Variants in SEMA7A observed in about 807,000 individuals in gnomAD.
SEMA7A encodes the protein semaphorin 7A (JohnMiltonHagen blood group).
Under a neutral mutation model 67.5 loss-of-function variants are expected in SEMA7A, and 21 were observed. The ratio of observed to expected loss-of-function variants is 0.31; its 90% CI spans 0.22 to 0.45. The LOEUF (loss-of-function observed/expected upper bound fraction) is 0.45, where lower values mean the gene tolerates loss of function less well. SEMA7A is among the 20% of genes least tolerant of loss of function. The pLI is 1.00. For missense variants in SEMA7A, 774 were observed against 908.6 expected, an observed-to-expected ratio of 0.85 and a Z score of 1.90; for synonymous variants, 364 against 368.5, an observed-to-expected ratio of 0.99 and a Z score of 0.14.
chr15:74,417,322 G>A lies in SEMA7A; in HGVS notation c.661+13C>T. The A allele has an allele frequency of 1.9e-6, 3 of 1,608,246 alleles. No individual in the cohort carries two copies. Among genetic ancestry groups the A allele is most frequent in the Non-Finnish European group, 2.6e-6 (3 of 1,175,132 alleles). ...CCCTTGCCCACCCTCAGCCCAGCCGGAGCCTGACTCACTCTGCATGACAGT... is the reference window on the plus strand; with the variant it reads ...CCCTTGCCCACCCTCAGCCCAGCCGAAGCCTGACTCACTCTGCATGACAGT... On this transcript the variant is annotated intron_variant, in intron 6 of 13. Transcript: ENST00000261918.
At chr15:74,412,387 A>G (rs566922493) in intron 10 of SEMA7A, among the ~76,000 whole-genome samples, 101 of 152,238 alleles carry the variant, frequency 6.6e-4, no homozygotes, top group African/African-American at 2.2e-3. Flanking sequence ...TCCCCACTCC[A>G]CAGATAAGGA....
intron 1 of SEMA7A, among the ~76,000 whole-genome samples, chr15:74,422,262 G>A (rs998161716): frequency 3.3e-5 from 5 of 151,956 alleles, no homozygotes; most frequent in African/African-American, 1.2e-4. Context: ...CCACCTCCTG[G>A]CTCCCCCTGC....
chr15:74,426,711 G>A (rs1420877653), intron 1 of SEMA7A, among the ~76,000 whole-genome samples: 2 of 152,148 alleles, frequency 1.3e-5, no homozygotes, highest in African/African-American at 4.8e-5. Context: ...AGGAGTTAGA[G>A]GCTGCAGAGA....
rs959236075 is a variant in SEMA7A at position 74,411,078 on chromosome 15, G to C, written c.1640-93C>G. On this transcript the variant is annotated intron_variant, in intron 13 of 13. Coordinates refer to ENST00000261918, the MANE Select transcript of SEMA7A (RefSeq NM_003612.5). The surrounding 1 kb of genome is among the most constrained non-coding windows in gnomAD (Gnocchi z 4.4). ...CCACGGACTGGGATCCCAGGACAAG[G>C]CTTCTGAATGAACGTGGGGAACCCA... 1.4e-5 allele frequency: 21 copies of C among 1,514,502 alleles called. No homozygotes were observed. Among genetic ancestry groups the C allele is most frequent in the Non-Finnish European group, 1.7e-5 (19 of 1,131,786 alleles). The allele number at this position is 1,514,502 out of a possible 1,614,324, so 93.8% of individuals were successfully genotyped here.
Position 74,417,454 on chromosome 15 carries a change from A to T in SEMA7A, c.551-9T>A. ...GGAATACACCTCGTCCCCTGGGGTC[A>T]GTGGGAGGGAGAAATGAGTAAGGGC... On this transcript the variant is annotated splice_polypyrimidine_tract_variant and intron_variant, in intron 5 of 13. Transcript: ENST00000261918. 1.2e-6 allele frequency: 2 copies of T among 1,610,446 alleles called. No individual in the cohort carries two copies. Among genetic ancestry groups the T allele is most frequent in the Non-Finnish European group, 8.5e-7 (1 of 1,176,900 alleles).
Position 74,417,938 on chromosome 15 carries a change from C to T in SEMA7A, c.404G>A (p.Arg135Lys). 1 of 1,613,334 alleles carries T rather than the reference C, an allele frequency of 6.2e-7. No homozygotes were observed. The highest frequency in any genetic ancestry group is 2.2e-5 in the East Asian group (1 of 44,886). Reference sequence around the variant, plus strand: ...ACAGGCCAGCAGCCCCTCACTCCGCCTCTCCAGGAGAGTGATGTAGTTCTC... The same window carrying T: ...ACAGGCCAGCAGCCCCTCACTCCGCTTCTCCAGGAGAGTGATGTAGTTCTC... Reference protein sequence around the residue: ...DCENYITLLERRSEGLLACGT... With the variant: ...DCENYITLLEKRSEGLLACGT... Residue 135 changes from arginine to lysine, a missense_variant, in exon 4 of 14, where the codon AGG (arginine) becomes AAG (lysine). Transcript: ENST00000261918.
At chr15:74,430,437 G>A (rs886703725) in intron 1 of SEMA7A, among the ~76,000 whole-genome samples, 1 of 152,180 alleles carries the variant, frequency 6.6e-6, no homozygotes. Flanking sequence ...TGGGGAAACT[G>A]GGGTTCAGTA....
chr15:74,410,444 A>C lies in SEMA7A; in HGVS notation c.*180T>G, dbSNP rs1596184401. The C allele has an allele frequency of 2.3e-6, 2 of 873,048 alleles. No individual in the cohort carries two copies. The allele number at this position is 873,048 out of a possible 1,614,324, so 54.1% of individuals were successfully genotyped here. ...CTCAGCCCCTCACCATCCGTGCGCC[A>C]CCTGGGGCCCAGCAGCCGCCTGCGG... is the stretch of plus-strand genomic sequence containing the variant. On this transcript the variant is annotated 3_prime_UTR_variant, in exon 14 of 14. Transcript: ENST00000261918. This position sits in a 1 kb window ranked among gnomAD's most constrained non-coding sequence, Gnocchi z 7.5.
In SEMA7A at chr15:74,411,999, G is replaced by C. The variant is rs1301417092; in HGVS notation, c.1308C>G (p.Ile436Met). Residue 436 changes from isoleucine (I) to methionine (M), a missense_variant, in exon 11 of 14, where the codon ATC becomes ATG. Coordinates refer to ENST00000261918, the MANE Select transcript of SEMA7A (RefSeq NM_003612.5). This position sits in a 1 kb window ranked among gnomAD's most constrained non-coding sequence, Gnocchi z 4.4. ...GCTCCCCCGGTTCCACCACCTTGTG[G>C]ATAGTGCCCCTGTCTGTGTATGGTG... ...VLYLTTDRGT[I>M]HKVVEPGEQE... The C allele has an allele frequency of 3.1e-6, 5 of 1,613,734 alleles. No homozygotes were observed. In the African/African-American group the frequency reaches 6.7e-5, roughly 22 times the overall value.
At position 74,417,679 on chromosome 15, in the gene SEMA7A, T is replaced by G; in HGVS notation, c.466-4A>C. 6.2e-7 allele frequency: 1 copy of G among 1,609,708 alleles called. No homozygotes were observed. Among genetic ancestry groups the G allele is most frequent in the Non-Finnish European group, 8.5e-7 (1 of 1,178,700 alleles). ...GTGGCACCACAGTGCCATTCACCTGTGGGAGATCCAGAGGGTTGGATGGCC... is the reference window on the plus strand; with the variant it reads ...GTGGCACCACAGTGCCATTCACCTGGGGGAGATCCAGAGGGTTGGATGGCC... On this transcript the variant is annotated splice_region_variant and splice_polypyrimidine_tract_variant and intron_variant, in intron 4 of 13. Transcript: ENST00000261918.
At position 74,433,942 on chromosome 15, in the gene SEMA7A, G is replaced by A. The variant is rs532455015; in HGVS notation, c.-24C>T. The A allele has an allele frequency of 1.4e-4, 178 of 1,242,786 alleles. No homozygotes were observed. Among genetic ancestry groups the A allele is most frequent in the Admixed American group, 4.3e-5 (1 of 23,508 alleles). 77.0% of individuals were successfully genotyped at this position (1,242,786 alleles called of 1,614,324 possible). The stretch of plus-strand genomic sequence containing the variant: ...ATCCCGTGGCCCCGGGAGCGACAGC[G>A]GCAATCAGCCGAGACTGAGCCAGCG... On this transcript the variant is annotated 5_prime_UTR_variant, in exon 1 of 14. Coordinates refer to ENST00000261918, the MANE Select transcript of SEMA7A (RefSeq NM_003612.5).
rs75319052 is a variant in SEMA7A, at chr15:74,409,533, T to A, written c.*1091A>T. On this transcript the variant is annotated 3_prime_UTR_variant, in exon 14 of 14. Transcript: ENST00000261918. ...TCACAGTTTAGCCTAAGTTATAACA[T>A]GTCCTGAGCGAAGGTGGGAGGCTAG... The A allele has an allele frequency of 1.3e-5, 2 of 152,232 alleles. No homozygotes were observed. The highest frequency in any genetic ancestry group is 2.9e-5 in the Non-Finnish European group (2 of 68,054). 9.4% of individuals were successfully genotyped at this position (152,232 alleles called of 1,614,324 possible). A position where few individuals can be genotyped will look rare whatever the true frequency, so the allele number is the denominator to read the frequency against.
intron 1 of SEMA7A, among the ~76,000 whole-genome samples, chr15:74,419,189 C>T (rs532885541): frequency 3.0e-4 from 46 of 152,340 alleles, no homozygotes; most frequent in African/African-American, 1.1e-3. Context: ...GGCCCCTCCC[C>T]TAGTGTGGCA....
At chr15:74,413,471 A>G (rs2060919299) in intron 10 of SEMA7A, among the ~76,000 whole-genome samples, 1 of 152,196 alleles carries the variant, frequency 6.6e-6, no homozygotes, top group African/African-American at 2.4e-5. Context: ...TCCATGGCCC[A>G]AGTCCAGCCT....
At chr15:74,432,029 G>T (rs527673951) in intron 1 of SEMA7A, among the ~76,000 whole-genome samples, 28 of 149,934 alleles carry the variant, frequency 1.9e-4, no homozygotes, top group African/African-American at 6.9e-4. Context: ...GCCTCAGGGT[G>T]GGAACTAAGT....
chr15:74,431,457 A>C (rs918196026), intron 1 of SEMA7A, among the ~76,000 whole-genome samples: 1 of 152,208 alleles, frequency 6.6e-6, no homozygotes, highest in African/African-American at 2.4e-5. Flanking sequence ...GCAGAAAATA[A>C]AGAACTTTCC....
chr15:74,424,366 T>C (rs989661289), intron 1 of SEMA7A, among the ~76,000 whole-genome samples: 17 of 152,140 alleles, frequency 1.1e-4, no homozygotes, highest in Admixed American at 1.0e-3. Flanking sequence ...ATGGGTCTTT[T>C]TGGGAAAGTG....
Position 74,414,728 on chromosome 15 carries a change from C to T in SEMA7A, c.1113G>A (p.Gln371=). 2 of 1,614,150 alleles carry T rather than the reference C, an allele frequency of 1.2e-6. No individual in the cohort carries two copies. Among genetic ancestry groups the T allele is most frequent in the Non-Finnish European group, 1.7e-6 (2 of 1,180,040 alleles). The stretch of plus-strand genomic sequence containing the variant: ...CCTGGAAGGTCTCTGTGGGTATCGG[C>T]TGCTGGTCTGGGAGGCACTGGGCAA... The part of the protein sequence containing the change: ...PRPGKCLPDQ[Q]PIPTETFQVA... Residue 371 remains glutamine (Q), a synonymous_variant, in exon 10 of 14, where the codon CAG becomes CAA. Transcript: ENST00000261918. This position sits in a 1 kb window ranked among gnomAD's most constrained non-coding sequence, Gnocchi z 4.1.
intron 1 of SEMA7A, among the ~76,000 whole-genome samples, chr15:74,425,107 G>C (rs944672450): frequency 6.6e-6 from 1 of 152,216 alleles, no homozygotes; most frequent in Non-Finnish European, 1.5e-5. Flanking sequence ...AGCCCATTAG[G>C]GAGAACTGGC....
Sources: gnomAD v4.1 joint callset for allele counts (sites outside exome capture counted in the v4.1 genomes callset) on GRCh38, gnomAD v4.1.1 for gene constraint, Gnocchi (gnomAD v3.1) non-coding constraint, MANE v1.5 for transcripts, NCBI Gene and HGNC (gene_info 2026-07-23, HGNC 2026-07-21) for gene names.